ARCN1: variants seen among roughly 807,000 people sequenced by gnomAD.
The protein encoded by ARCN1 is archain 1 coat protein complex I subunit delta, also known as coatomer subunit delta.
ARCN1 carries 5 observed loss-of-function variants against 60.4 expected under a neutral mutation model. The observed-to-expected ratio is 0.08, with a 90% CI of 0.04 to 0.17. The LOEUF (loss-of-function observed/expected upper bound fraction) is 0.17, where lower values mean the gene tolerates loss of function less well. Among genes scored for constraint, ARCN1 ranks in the 10% least tolerant of loss-of-function variants. The pLI is 1.00. For synonymous variants in ARCN1, 224 were observed against 220.0 expected, an observed-to-expected ratio of 1.02 and a Z score of -0.16; for missense variants, 464 against 626.5, an observed-to-expected ratio of 0.74 and a Z score of 2.77.
At chr11:118,590,200 G>A (rs1938869090) in intron 5 of ARCN1, 141 bp from the exon 6 acceptor site, 4 of 539,650 alleles carry the variant, frequency 7.4e-6, no homozygotes, top group Admixed American at 6.8e-5. Context: ...TCTCCATGTT[G>A]GTCAGGCTGG....
intron 1 of ARCN1, among the ~76,000 whole-genome samples, chr11:118,579,442 T>A (rs929104229): frequency 3.3e-5 from 5 of 150,342 alleles, no homozygotes; most frequent in Non-Finnish European, 7.4e-5. Context: ...GAGGCCGAGG[T>A]GGGCAGATCA....
intron 8 of ARCN1, among the ~76,000 whole-genome samples, chr11:118,596,272 G>A (rs1355416483): frequency 6.6e-6 from 1 of 152,138 alleles, no homozygotes; most frequent in Non-Finnish European, 1.5e-5. Flanking sequence ...GCCTTGAACT[G>A]TTGTAGGACT....
At chr11:118,572,727 G>A (rs1449791501) in intron 1 of ARCN1, 177 bp downstream of exon 1, 2 of 639,522 alleles carry the variant, frequency 3.1e-6, no homozygotes, top group East Asian at 6.2e-5. Context: ...GAGATCCGAT[G>A]GAGCTGACTC....
In ARCN1 at chr11:118,584,986, C is replaced by T. The variant is rs146865989; in HGVS notation, c.818+342C>T. On this transcript the variant is annotated intron_variant, in intron 5 of 9. Coordinates refer to ENST00000264028, the MANE Select transcript of ARCN1 (RefSeq NM_001655.5). ...GACCACAGGCGCCCACCCCTACGCC[C>T]GGCTAATTTTTTTGTATTTTTAGTA... Among the ~76,000 whole-genome samples, 1,044 of 151,874 alleles carry T rather than the reference C, an allele frequency of 6.9e-3. 11 individuals are homozygous for T. Among genetic ancestry groups the T allele is most frequent in the African/African-American group, 0.022 (931 of 41,438 alleles).
intron 6 of ARCN1, among the ~76,000 whole-genome samples, chr11:118,591,348 C>G (rs1938904172): frequency 1.3e-5 from 2 of 152,132 alleles, no homozygotes; most frequent in Non-Finnish European, 2.9e-5. Context: ...GACATTTTTG[C>G]TGGCTTGTAA....
intron 1 of ARCN1, among the ~76,000 whole-genome samples, chr11:118,574,833 C>G (rs1201429494): frequency 6.6e-6 from 1 of 152,038 alleles, no homozygotes; most frequent in Non-Finnish European, 1.5e-5. Context: ...CAGGCGCTAT[C>G]ATAGTGCACT....
intron 2 of ARCN1, among the ~76,000 whole-genome samples, chr11:118,582,688 T>C (rs1591384147): frequency 6.9e-6 from 1 of 145,230 alleles, no homozygotes; most frequent in Non-Finnish European, 1.5e-5. Context: ...ATCGTGCCAC[T>C]GCACTCCAGA....
chr11:118,583,045 A>C (rs1365540792), intron 2 of ARCN1, 134 bp from the exon 3 acceptor site: 45 of 1,088,456 alleles, frequency 4.1e-5, no homozygotes, highest in Non-Finnish European at 5.0e-5. Context: ...TGTCCCAAAA[A>C]ATAAAATAAA....
chr11:118,576,448 A>AC (rs386375038), intron 1 of ARCN1, among the ~76,000 whole-genome samples: 2 of 148,538 alleles, frequency 1.3e-5, no homozygotes, highest in Admixed American at 6.6e-5. Flanking sequence ...AAAAAAAAAA[A>AC]ACCAAAAACT....
chr11:118,579,700 A>G (rs561378136), intron 1 of ARCN1, among the ~76,000 whole-genome samples: 88 of 151,966 alleles, frequency 5.8e-4, no homozygotes, highest in African/African-American at 2.0e-3. Context: ...AAAAAAAAAA[A>G]GGTAGCAAAA....
chr11:118,596,061 C>T (rs527977638), intron 8 of ARCN1, among the ~76,000 whole-genome samples: 34 of 150,286 alleles, frequency 2.3e-4, no homozygotes, highest in Admixed American at 1.6e-3. Context: ...AGCGAGATTC[C>T]GTCTCAAAAA....
intron 2 of ARCN1, 28 bp from the exon 3 acceptor site, chr11:118,583,150 CT>C (rs1565360936): frequency 6.2e-7 from 1 of 1,609,116 alleles, no homozygotes; most frequent in Admixed American, 1.7e-5. Flanking sequence ...AATTCTAAAT[CT>C]TTCTTTTTTA....
chr11:118,599,642 C>G (rs1049775652), intron 9 of ARCN1, among the ~76,000 whole-genome samples: 10 of 152,214 alleles, frequency 6.6e-5, no homozygotes, highest in African/African-American at 2.2e-4. Context: ...GTTGGCCAGG[C>G]TGGTCTCTAA....
chr11:118,583,153 T>A, intron 2 of ARCN1, 26 bp from the exon 3 acceptor site: 1 of 1,610,374 alleles, frequency 6.2e-7, no homozygotes, highest in Middle Eastern at 1.7e-4. Flanking sequence ...TCTAAATCTT[T>A]CTTTTTTATT....
chr11:118,597,558 G>A (rs1188840624), intron 8 of ARCN1, 149 bp from the exon 9 acceptor site: 1 of 614,644 alleles, frequency 1.6e-6, no homozygotes, highest in Non-Finnish European at 2.5e-6. Context: ...TTCATCGTTT[G>A]ATCCTTGAAG....
At chr11:118,579,521 CAA>C (rs61567269) in intron 1 of ARCN1, among the ~76,000 whole-genome samples, 21,425 of 118,188 alleles carry the variant, frequency 0.18, 2,040 homozygotes, top group East Asian at 0.54. Context: ...ACTAGAAATA[CAA>C]AAAAAAAAAA....
At position 118,584,589 on chromosome 11, in the gene ARCN1, G is replaced by A; in HGVS notation, c.763G>A (p.Gly255Ser). 1 of 1,613,168 alleles carries A rather than the reference G, an allele frequency of 6.2e-7. No homozygotes were observed. Among genetic ancestry groups the A allele is most frequent in the Non-Finnish European group, 8.5e-7 (1 of 1,179,748 alleles). The stretch of plus-strand genomic sequence containing the variant: ...TGAAACCATCATGTCCTCTAGTATG[G>A]GCAAGCGTACTTCTGAAGCAACCAA... ...EGETIMSSSM[G>S]KRTSEATKMH... The change falls in exon 5 of 10, where the codon GGC (glycine) becomes AGC (serine). Residue 255 changes from glycine to serine, a missense_variant. This residue lies in a region of ARCN1 where 359 missense variants were observed against 440.2 expected (regional missense o/e 0.82). Transcript: ENST00000264028.
Position 118,584,434 on chromosome 11 carries a change from G to A in ARCN1, c.654-46G>A. ...AATTTTCATCAGATCATGTGTGCTT[G>A]TAAAAATAAACCTTTGGGTAATGAA... On this transcript the variant is annotated intron_variant, in intron 4 of 9. Transcript: ENST00000264028. The A allele has an allele frequency of 3.2e-6, 5 of 1,554,958 alleles. 1 individual carries two copies. The highest frequency in any genetic ancestry group is 3.5e-4 in the Middle Eastern group (2 of 5,790).
chr11:118,598,870 C>T (rs1400607850), intron 9 of ARCN1, among the ~76,000 whole-genome samples: 3 of 151,784 alleles, frequency 2.0e-5, no homozygotes, highest in Admixed American at 6.6e-5. Context: ...GATCTCGGCC[C>T]ACTGCAACCT....
Sources: gnomAD v4.1 joint callset for allele counts (sites outside exome capture counted in the v4.1 genomes callset) on GRCh38, gnomAD v4.1.1 for gene constraint, gnomAD v4.1.1 regional missense constraint, MANE v1.5 for transcripts, NCBI Gene and HGNC (gene_info 2026-07-23, HGNC 2026-07-21) for gene names.